Variants in SND1 observed in about 807,000 individuals in gnomAD.
SND1 encodes the protein staphylococcal nuclease and tudor domain containing 1.
SND1 carries 38 observed loss-of-function variants against 121.7 expected under a neutral mutation model. That is an observed-to-expected ratio of 0.31 (90% CI 0.24 to 0.41). SND1 has a LOEUF of 0.41. Among genes scored for constraint, SND1 ranks in the 10% least tolerant of loss-of-function variants. The pLI is 1.00. For synonymous variants in SND1, 401 were observed against 447.4 expected, an observed-to-expected ratio of 0.90 and a Z score of 1.31; for missense variants, 868 against 1,184.6, an observed-to-expected ratio of 0.73 and a Z score of 3.92.
At chr7:127,969,461 C>A (rs1427132108) in intron 15 of SND1, among the ~76,000 whole-genome samples, 1 of 152,204 alleles carries the variant, frequency 6.6e-6, no homozygotes, top group Non-Finnish European at 1.5e-5. Flanking sequence ...CGCAGTGACT[C>A]ACGCCTGTAA....
chr7:127,823,072 A>G (rs1798578771), intron 11 of SND1, among the ~76,000 whole-genome samples: 1 of 152,252 alleles, frequency 6.6e-6, no homozygotes, highest in African/African-American at 2.4e-5. Flanking sequence ...AGTACACAAT[A>G]TGACAAATAA....
intron 8 of SND1, among the ~76,000 whole-genome samples, chr7:127,705,461 G>C (rs1020055151): frequency 6.6e-6 from 1 of 152,318 alleles, no homozygotes; most frequent in South Asian, 2.1e-4. Flanking sequence ...CGTTATTGGT[G>C]TGTTTTTGAC....
chr7:127,921,318 T>G (rs765101255), intron 14 of SND1, among the ~76,000 whole-genome samples: 1 of 152,216 alleles, frequency 6.6e-6, no homozygotes, highest in Non-Finnish European at 1.5e-5. Flanking sequence ...ACTTTTTTTC[T>G]GTGCTTTTCT....
intron 15 of SND1, among the ~76,000 whole-genome samples, chr7:127,974,612 A>G (rs901872172): frequency 6.6e-6 from 1 of 152,198 alleles, no homozygotes; most frequent in Non-Finnish European, 1.5e-5. Context: ...GTCTAGGAGA[A>G]TTCCCCTTCC....
intron 16 of SND1, among the ~76,000 whole-genome samples, chr7:128,057,370 G>A (rs186560794): frequency 1.5e-4 from 23 of 152,304 alleles, no homozygotes; most frequent in Admixed American, 1.2e-3. Context: ...GCATTTCGTC[G>A]CTGGTAATAT....
At chr7:127,696,589 T>C (rs1796010270) in intron 3 of SND1, among the ~76,000 whole-genome samples, 1 of 152,224 alleles carries the variant, frequency 6.6e-6, no homozygotes. Context: ...CTGATCAGTC[T>C]TCTGTTACCC....
At chr7:128,010,093 C>A (rs1803083047) in intron 16 of SND1, among the ~76,000 whole-genome samples, 1 of 152,216 alleles carries the variant, frequency 6.6e-6, no homozygotes, top group Non-Finnish European at 1.5e-5. Context: ...CCAGAACTTG[C>A]CAAGATTCAG....
At chr7:127,925,049 G>C (rs922144290) in intron 14 of SND1, among the ~76,000 whole-genome samples, 1 of 152,188 alleles carries the variant, frequency 6.6e-6, no homozygotes, top group Non-Finnish European at 1.5e-5. Flanking sequence ...TTGAAATGAA[G>C]TCACCCCAGG....
intron 13 of SND1, among the ~76,000 whole-genome samples, chr7:127,901,464 A>T (rs982575011): frequency 6.6e-6 from 1 of 152,182 alleles, no homozygotes; most frequent in African/African-American, 2.4e-5. Flanking sequence ...TGGCTCACTC[A>T]GCATCGTTCC....
chr7:127,857,873 G>T (rs530147760), intron 12 of SND1: 376 of 1,316,884 alleles, frequency 2.9e-4, no homozygotes, highest in Non-Finnish European at 3.9e-4. Context: ...AAGTCAATGC[G>T]TTTGGAGTTG....
At chr7:128,033,493 G>A (rs1350383402) in intron 16 of SND1, among the ~76,000 whole-genome samples, 1 of 152,180 alleles carries the variant, frequency 6.6e-6, no homozygotes, top group Admixed American at 6.5e-5. Flanking sequence ...TAAGAACGAG[G>A]AGGTCCCAGA....
intron 10 of SND1, among the ~76,000 whole-genome samples, chr7:127,732,447 T>C (rs910256134): frequency 2.6e-5 from 4 of 152,258 alleles, no homozygotes; most frequent in African/African-American, 9.6e-5. Flanking sequence ...GCTGTTCTTA[T>C]ATGCCCTTGT....
chr7:127,822,821 TTG>T (rs1225599044), intron 11 of SND1, among the ~76,000 whole-genome samples: 3 of 152,244 alleles, frequency 2.0e-5, no homozygotes, highest in African/African-American at 7.2e-5. Flanking sequence ...TTTAATATCA[TTG>T]AATGTTTAAT....
At chr7:128,035,585 G>C (rs1792733491) in intron 16 of SND1, among the ~76,000 whole-genome samples, 2 of 152,242 alleles carry the variant, frequency 1.3e-5, no homozygotes, top group Admixed American at 1.3e-4. Flanking sequence ...ATCAGAGTCT[G>C]TCCTTTTTGA....
chr7:128,007,015 C>A (rs1802995640), intron 16 of SND1, among the ~76,000 whole-genome samples: 1 of 152,036 alleles, frequency 6.6e-6, no homozygotes, highest in South Asian at 2.1e-4. Flanking sequence ...GCCCCTCTCC[C>A]AGTAGCGAGA....
At chr7:127,754,164 A>G (rs1031870619) in intron 10 of SND1, among the ~76,000 whole-genome samples, 1 of 152,200 alleles carries the variant, frequency 6.6e-6, no homozygotes, top group African/African-American at 2.4e-5. Context: ...AGAATAGAAA[A>G]TGATTTCTCT....
rs974003193 is a variant in SND1, at chr7:127,988,224, A to G, written c.1670-2723A>G. Among the ~76,000 whole-genome samples, 13 of 152,296 alleles carry G rather than the reference A, an allele frequency of 8.5e-5. 1 individual carries two copies. Among genetic ancestry groups the G allele is most frequent in the African/African-American group, 1.9e-4 (8 of 41,560 alleles). ...AAATTTCTAATACTCAGACATTCAG[A>G]TATCATAAAGCCTGTCCTGCTCTCC... On this transcript the variant is annotated intron_variant, in intron 15 of 23. Coordinates refer to ENST00000354725, the MANE Select transcript of SND1 (RefSeq NM_014390.4).
At chr7:127,951,433 CAG>C (rs1178985498) in intron 15 of SND1, among the ~76,000 whole-genome samples, 1 of 152,140 alleles carries the variant, frequency 6.6e-6, no homozygotes, top group Admixed American at 6.5e-5. Context: ...CCTTGGGAAA[CAG>C]GGAGTTGTTG....
intron 10 of SND1, among the ~76,000 whole-genome samples, chr7:127,729,224 G>A (rs1358705187): frequency 1.3e-5 from 2 of 151,982 alleles, no homozygotes; most frequent in Non-Finnish European, 2.9e-5. Context: ...TCCTTTCATA[G>A]TAGTTCAGGT....
Sources: gnomAD v4.1 joint callset for allele counts (sites outside exome capture counted in the v4.1 genomes callset) on GRCh38, gnomAD v4.1.1 for gene constraint, MANE v1.5 for transcripts, NCBI Gene and HGNC (gene_info 2026-07-23, HGNC 2026-07-21) for gene names.